TENM2: variants seen among roughly 807,000 people sequenced by gnomAD.
TENM2 encodes teneurin transmembrane protein 2.
TENM2 carries 52 observed loss-of-function variants against 245.2 expected under a neutral mutation model. The observed-to-expected ratio is 0.21, with a 90% CI of 0.17 to 0.27. The LOEUF is 0.27. Ranked by LOEUF, TENM2 falls within the 10% of genes least tolerant of loss-of-function variation. The pLI, the probability that TENM2 is intolerant of heterozygous loss-of-function variation, is 1.00. For missense variants in TENM2, 3,046 were observed against 3,666.8 expected, an observed-to-expected ratio of 0.83 and a Z score of 4.37; for synonymous variants, 1,363 against 1,438.9, an observed-to-expected ratio of 0.95 and a Z score of 1.19.
chr5:167,741,583 A>G (rs567231728), intron 2 of TENM2, among the ~76,000 whole-genome samples: 1 of 152,254 alleles, frequency 6.6e-6, no homozygotes, highest in East Asian at 1.9e-4. Context: ...CAGGTCCGGG[A>G]ATGGAGGCCC....
the TENM2 span, among the ~76,000 whole-genome samples, chr5:167,083,750 C>A: frequency 6.6e-6 from 1 of 152,158 alleles, no homozygotes; most frequent in Non-Finnish European, 1.5e-5. Context: ...CTTGAAGGAA[C>A]AAATCAGTTT....
At chr5:167,608,514 T>C (rs1777216956) in intron 2 of TENM2, among the ~76,000 whole-genome samples, 1 of 152,224 alleles carries the variant, frequency 6.6e-6, no homozygotes, top group African/African-American at 2.4e-5. Context: ...ACAGCATTGC[T>C]ATCACAGCAC....
chr5:167,801,105 AAAAAATATAT>A (rs1765692568), intron 2 of TENM2, among the ~76,000 whole-genome samples: 2 of 64,604 alleles, frequency 3.1e-5, no homozygotes, highest in African/African-American at 6.9e-5. Context: ...GAAAAAAAAA[AAAAAATATAT>A]ATATATATAT....
At chr5:167,910,582 A>C (rs1776468684) in intron 3 of TENM2, among the ~76,000 whole-genome samples, 1 of 152,224 alleles carries the variant, frequency 6.6e-6, no homozygotes, top group African/African-American at 2.4e-5. Context: ...CTGTTCTTAC[A>C]CAAAAAAGAC....
At chr5:167,507,489 T>G (rs74496535) in intron 2 of TENM2, among the ~76,000 whole-genome samples, 2,206 of 152,216 alleles carry the variant, frequency 0.014, 48 homozygotes, top group African/African-American at 0.05. Flanking sequence ...CTAAAAAAAT[T>G]AGGACACAGA....
At chr5:167,215,785 C>A in the TENM2 span, among the ~76,000 whole-genome samples, 1 of 152,102 alleles carries the variant, frequency 6.6e-6, no homozygotes, top group Non-Finnish European at 1.5e-5. Context: ...CTGGGCCAAG[C>A]CATTTTATAC....
intron 3 of TENM2, among the ~76,000 whole-genome samples, chr5:167,945,001 A>C (rs1356434627): frequency 6.6e-6 from 1 of 152,172 alleles, no homozygotes; most frequent in Non-Finnish European, 1.5e-5. Flanking sequence ...TGAGGGAATT[A>C]AGTGGGAGGG....
chr5:168,021,689 C>T (rs1003673310), intron 5 of TENM2, among the ~76,000 whole-genome samples: 1 of 152,194 alleles, frequency 6.6e-6, no homozygotes, highest in African/African-American at 2.4e-5. Context: ...GAGACCCCAA[C>T]ACTGGCTGCA....
At chr5:167,860,206 C>G (rs1362357264) in intron 2 of TENM2, among the ~76,000 whole-genome samples, 39 of 129,620 alleles carry the variant, frequency 3.0e-4, no homozygotes, top group African/African-American at 6.1e-4. Context: ...CAGCCCCCCG[C>G]CCGGCCAGCC....
chr5:167,750,551 A>G (rs12187148), intron 2 of TENM2, among the ~76,000 whole-genome samples: 20,565 of 152,004 alleles, frequency 0.14, 1,681 homozygotes, highest in East Asian at 0.23. Flanking sequence ...GGTATACCAT[A>G]GAAGCAGTTA....
chr5:167,350,759 T>TACAG (rs1561883664), intron 1 of TENM2, among the ~76,000 whole-genome samples: 2 of 144,064 alleles, frequency 1.4e-5, no homozygotes, highest in Non-Finnish European at 3.0e-5. Flanking sequence ...GATATATACA[T>TACAG]ATGGATATAT....
the TENM2 span, among the ~76,000 whole-genome samples, chr5:167,223,095 G>T: frequency 6.6e-6 from 1 of 151,892 alleles, no homozygotes; most frequent in Non-Finnish European, 1.5e-5. Context: ...GTGAAATTTT[G>T]TTACATGCAA....
intron 2 of TENM2, among the ~76,000 whole-genome samples, chr5:167,475,079 A>G (rs1767282771): frequency 1.3e-5 from 2 of 152,218 alleles, no homozygotes; most frequent in Non-Finnish European, 2.9e-5. Flanking sequence ...GAAAACACAA[A>G]TATATGCAAT....
intron 5 of TENM2, among the ~76,000 whole-genome samples, chr5:167,993,625 GA>G (rs1054055173): frequency 1.3e-5 from 2 of 152,366 alleles, no homozygotes; most frequent in Admixed American, 1.3e-4. Context: ...TGATTCGAGA[GA>G]AAGCCAAAGT....
At chr5:167,316,937 C>T (rs1226138133) in intron 1 of TENM2, among the ~76,000 whole-genome samples, 2 of 152,152 alleles carry the variant, frequency 1.3e-5, no homozygotes, top group Non-Finnish European at 2.9e-5. Flanking sequence ...AAAGAGCACA[C>T]AGTCAACAAT....
At chr5:168,076,574 T>C (rs1791497107) in intron 7 of TENM2, among the ~76,000 whole-genome samples, 1 of 152,052 alleles carries the variant, frequency 6.6e-6, no homozygotes, top group Admixed American at 6.6e-5. Context: ...GACATTATAT[T>C]CCCCCTTGAA....
chr5:167,059,348 CAG>C, the TENM2 span, among the ~76,000 whole-genome samples: 10 of 152,248 alleles, frequency 6.6e-5, no homozygotes, highest in South Asian at 1.7e-3. Flanking sequence ...TGTTAATTAA[CAG>C]GGGTGATAAT....
the TENM2 span, among the ~76,000 whole-genome samples, chr5:166,997,915 T>G: frequency 6.6e-6 from 1 of 152,052 alleles, no homozygotes; most frequent in African/African-American, 2.4e-5. Flanking sequence ...CAGATAAATA[T>G]AATTTCAGAA....
intron 2 of TENM2, among the ~76,000 whole-genome samples, chr5:167,390,960 C>A (rs550070545): frequency 1.3e-5 from 2 of 152,264 alleles, no homozygotes; most frequent in South Asian, 4.1e-4. Flanking sequence ...AATATATTTT[C>A]AGCTCCAGCT....
Sources: gnomAD v4.1 joint callset for allele counts (sites outside exome capture counted in the v4.1 genomes callset) on GRCh38, gnomAD v4.1.1 for gene constraint, MANE v1.5 for transcripts, NCBI Gene and HGNC (gene_info 2026-07-23, HGNC 2026-07-21) for gene names.